The following SLIT2 variants were observed in gnomAD, a reference collection of about 807,000 sequenced individuals.
SLIT2 encodes the protein slit guidance ligand 2.
In SLIT2, 41 loss-of-function variants were observed where a neutral mutation model predicts 185.7. The ratio of observed to expected loss-of-function variants is 0.22; its 90% CI spans 0.17 to 0.29. The LOEUF (loss-of-function observed/expected upper bound fraction) is 0.29, where lower values mean the gene tolerates loss of function less well. Among genes scored for constraint, SLIT2 ranks in the 10% least tolerant of loss-of-function variants. The pLI, the probability that SLIT2 is intolerant of heterozygous loss-of-function variation, is 1.00. For missense variants in SLIT2, 1,571 were observed against 1,909.0 expected (o/e 0.82, Z 3.30); for synonymous variants, 693 against 680.2 (o/e 1.02, Z -0.29).
rs1239791336 is a variant in SLIT2, at chr4:20,252,257, C to T, written c.-1559C>T. Among the ~76,000 whole-genome samples the T allele has an allele frequency of 6.6e-6, 1 of 152,196 alleles. No individual in the cohort carries two copies. The highest frequency in any genetic ancestry group is 2.4e-5 in the African/African-American group (1 of 41,470). ...TCCTTCCAGACAAGCGAGACTTGGG[C>T]TGCTGCGTCCGTCCTATTGTTTAGA... is the stretch of plus-strand genomic sequence containing the variant. On this transcript the variant is annotated 5_prime_UTR_variant, in exon 1 of 37. Transcript: ENST00000504154.
At chr4:20,402,222 A>T (rs1726417172) in intron 4 of SLIT2, among the ~76,000 whole-genome samples, 1 of 151,842 alleles carries the variant, frequency 6.6e-6, no homozygotes. Context: ...TGAACCAAAG[A>T]CTCAAAAGGC....
intron 2 of SLIT2, among the ~76,000 whole-genome samples, chr4:20,257,133 G>T (rs189521977): frequency 6.6e-5 from 10 of 152,068 alleles, no homozygotes; most frequent in Admixed American, 6.5e-4. Context: ...ATAACAAAAG[G>T]ATTCTTATTT....
At chr4:20,390,668 T>C (rs61789400) in intron 4 of SLIT2, among the ~76,000 whole-genome samples, 12,723 of 152,024 alleles carry the variant, frequency 0.084, 623 homozygotes, top group South Asian at 0.17. Context: ...AGGATTAAAA[T>C]TTATTAAAAG....
chr4:20,491,765 C>G lies in SLIT2; in HGVS notation c.780C>G (p.His260Gln). 1.2e-6 allele frequency: 2 copies of G among 1,609,164 alleles called. No homozygotes were observed. The highest frequency in any genetic ancestry group is 1.7e-6 in the Non-Finnish European group (2 of 1,177,946). Residue 260 changes from histidine (H) to glutamine (Q), a missense_variant, in exon 9 of 37, where the codon CAC becomes CAG. His to Gln is a conservative substitution (Grantham distance 24). Coordinates refer to ENST00000504154, the MANE Select transcript of SLIT2 (RefSeq NM_004787.4). ...TCCTGTTTATTTCTTTTTTAGGTCA[C>G]CAGTCATTTATGGCTCCTTCTTGTA... The part of the protein sequence containing the change: ...VQKREFVCSG[H>Q]QSFMAPSCSV...
intron 4 of SLIT2, among the ~76,000 whole-genome samples, chr4:20,352,486 A>G (rs1234853473): frequency 1.3e-5 from 2 of 152,192 alleles, no homozygotes; most frequent in African/African-American, 2.4e-5. Flanking sequence ...GATTTATTAC[A>G]TATAAATATG....
intron 4 of SLIT2, among the ~76,000 whole-genome samples, chr4:20,359,643 A>C (rs534059184): frequency 6.6e-6 from 1 of 152,040 alleles, no homozygotes; most frequent in Non-Finnish European, 1.5e-5. Context: ...ACTAGAGAAG[A>C]GGTGCTCAGA....
intron 14 of SLIT2, among the ~76,000 whole-genome samples, chr4:20,524,385 G>T (rs1036510856): frequency 6.6e-6 from 1 of 152,180 alleles, no homozygotes; most frequent in African/African-American, 2.4e-5. Context: ...TACAGCAGAA[G>T]AAATAGGCAA....
intron 5 of SLIT2, among the ~76,000 whole-genome samples, chr4:20,470,482 G>GTC (rs1335452587): frequency 8.9e-6 from 1 of 112,582 alleles, no homozygotes; most frequent in African/African-American, 3.2e-5. Flanking sequence ...GTGCAGTGGA[G>GTC]TCTGTGTGTG....
chr4:20,371,348 C>G (rs188694621), intron 4 of SLIT2, among the ~76,000 whole-genome samples: 1 of 152,228 alleles, frequency 6.6e-6, no homozygotes, highest in African/African-American at 2.4e-5. Flanking sequence ...CCACCACACA[C>G]ACACCCACTC....
intron 30 of SLIT2, among the ~76,000 whole-genome samples, chr4:20,594,003 CACAT>C (rs781433626): frequency 1.3e-4 from 20 of 148,788 alleles, no homozygotes; most frequent in East Asian, 6.0e-4. Context: ...CATATACACA[CACAT>C]ACATATGTAT....
chr4:20,277,319 A>G (rs1400422698), intron 4 of SLIT2, among the ~76,000 whole-genome samples: 1 of 152,182 alleles, frequency 6.6e-6, no homozygotes, highest in Non-Finnish European at 1.5e-5. Flanking sequence ...AAAAGACATT[A>G]TAAACTTTTT....
chr4:20,480,772 G>C lies in SLIT2; in HGVS notation c.524G>C (p.Arg175Pro). 1.2e-6 allele frequency: 2 copies of C among 1,612,772 alleles called. No homozygotes were observed. Among genetic ancestry groups the C allele is most frequent in the Middle Eastern group, 1.7e-4 (1 of 6,060 alleles). The change falls in exon 6 of 37, where the codon CGG becomes CCG. Residue 175 changes from arginine (R) to proline (P), a missense_variant. Around this residue, in one of 3 missense-constraint regions of SLIT2, gnomAD observed 1,202 missense variants for 1,416.4 expected, o/e 0.85. Transcript: ENST00000504154. ...CIEDGAFRAL[R>P]DLEVLTLNNN... ...GAAGATGGGGCATTCAGGGCTCTCC[G>C]GGACCTGGAAGTGCTGTAAGTACTG...
intron 4 of SLIT2, among the ~76,000 whole-genome samples, chr4:20,418,036 T>TA (rs1472938731): frequency 6.6e-6 from 1 of 152,162 alleles, no homozygotes; most frequent in Non-Finnish European, 1.5e-5. Context: ...TCTCCTATAG[T>TA]AGAGTGTACC....
chr4:20,590,616 C>G (rs1002713028), intron 30 of SLIT2, among the ~76,000 whole-genome samples: 1 of 152,202 alleles, frequency 6.6e-6, no homozygotes, highest in Non-Finnish European at 1.5e-5. Context: ...TAAGTGTACT[C>G]CCTTAAGTGA....
intron 29 of SLIT2, chr4:20,569,371 C>A: frequency 4.5e-6 from 1 of 224,414 alleles, no homozygotes; most frequent in Non-Finnish European, 8.9e-6. Flanking sequence ...ATAGCCAAAA[C>A]ATAATTAAGC....
chr4:20,303,392 T>C (rs918607642), intron 4 of SLIT2, among the ~76,000 whole-genome samples: 4 of 152,214 alleles, frequency 2.6e-5, no homozygotes, highest in African/African-American at 9.6e-5. Context: ...CTTCCATTTA[T>C]CATTAGAACA....
At chr4:20,462,321 C>T (rs1216602358) in intron 4 of SLIT2, among the ~76,000 whole-genome samples, 65 of 152,074 alleles carry the variant, frequency 4.3e-4, no homozygotes, top group Admixed American at 4.0e-3. Flanking sequence ...TGGAAAATTC[C>T]GTAGTGTCAT....
At chr4:20,509,027 CAT>C (rs1491118195) in intron 9 of SLIT2, among the ~76,000 whole-genome samples, 5 of 150,198 alleles carry the variant, frequency 3.3e-5, no homozygotes, top group East Asian at 4.0e-4. Context: ...TGTGTGTGTG[CAT>C]GTGTGTGTGT....
intron 4 of SLIT2, among the ~76,000 whole-genome samples, chr4:20,281,923 A>T (rs1714814967): frequency 6.6e-6 from 1 of 152,218 alleles, no homozygotes; most frequent in Non-Finnish European, 1.5e-5. Flanking sequence ...TTTTCGTCTA[A>T]CGAGGTTGGA....
Sources: allele counts gnomAD v4.1 joint callset (sites outside exome capture counted in the v4.1 genomes callset), GRCh38; gene constraint gnomAD v4.1.1; regional missense constraint gnomAD v4.1.1; transcripts MANE v1.5; gene names NCBI Gene and HGNC (gene_info 2026-07-23, HGNC 2026-07-21).